ATP1A4: variants seen among roughly 807,000 people sequenced by gnomAD.
The protein encoded by ATP1A4 is sodium/potassium-transporting ATPase subunit alpha-4.
ATP1A4 carries 90 observed loss-of-function variants against 114.3 expected under a neutral mutation model. That is an observed-to-expected ratio of 0.79 (90% CI 0.66 to 0.94). The LOEUF (loss-of-function observed/expected upper bound fraction) is 0.94, where lower values mean the gene tolerates loss of function less well. ATP1A4 is among the 40% of genes least tolerant of loss of function. The probability of loss-of-function intolerance (pLI) is 0.00; values close to 1 mark genes in which losing one functional copy is unlikely to be tolerated. For missense variants in ATP1A4, 1,222 were observed against 1,313.6 expected (o/e 0.93, Z 1.08); for synonymous variants, 511 against 494.1 (o/e 1.03, Z -0.45).
chr1:160,178,181 C>A (rs1337845537), intron 18 of ATP1A4, among the ~76,000 whole-genome samples: 2 of 151,612 alleles, frequency 1.3e-5, no homozygotes, highest in Admixed American at 1.3e-4. Context: ...CATGGAGATA[C>A]CCCGTCTCTA....
intron 7 of ATP1A4, among the ~76,000 whole-genome samples, chr1:160,164,643 A>C (rs1652972292): frequency 6.6e-6 from 1 of 152,242 alleles, no homozygotes; most frequent in Non-Finnish European, 1.5e-5. Context: ...AGCAAGTTTC[A>C]ATGGAAAGTG....
intron 6 of ATP1A4, among the ~76,000 whole-genome samples, chr1:160,162,035 T>C (rs1305736943): frequency 6.6e-6 from 1 of 152,190 alleles, no homozygotes; most frequent in East Asian, 1.9e-4. Context: ...CCTAACCTTC[T>C]AGACTCTTAA....
chr1:160,155,390 G>A (rs1021962731), intron 3 of ATP1A4, 142 bp downstream of exon 3: 6 of 539,116 alleles, frequency 1.1e-5, no homozygotes, highest in Admixed American at 6.5e-5. Flanking sequence ...TGTAATAAAT[G>A]TACATTAATT....
At chr1:160,163,072 T>C (rs532852188) in intron 6 of ATP1A4, among the ~76,000 whole-genome samples, 4 of 152,310 alleles carry the variant, frequency 2.6e-5, no homozygotes, top group African/African-American at 7.2e-5. Context: ...TTTTTGACCA[T>C]TGACAGCTTG....
At chr1:160,171,024 G>A in intron 10 of ATP1A4, 2 of 422,614 alleles carry the variant, frequency 4.7e-6, no homozygotes, top group South Asian at 7.0e-5. Flanking sequence ...GCTTCAGGCT[G>A]AGAAGATAAT....
Position 160,167,094 on chromosome 1 carries a change from G to A in ATP1A4, c.1356+17G>A, listed in dbSNP as rs765767559. 3.7e-6 allele frequency: 6 copies of A among 1,611,570 alleles called. No homozygotes were observed. The highest frequency in any genetic ancestry group is 5.1e-6 in the Non-Finnish European group (6 of 1,177,872). On this transcript the variant is annotated intron_variant, in intron 9 of 21. Coordinates refer to ENST00000368081, the MANE Select transcript of ATP1A4 (RefSeq NM_144699.4). ...ATTGCTAAGGTGTCAGGCCCAAGGGGAAGAGGGTACCTCAGTGTCCAGGGT... is the reference window on the plus strand; with the variant it reads ...ATTGCTAAGGTGTCAGGCCCAAGGGAAAGAGGGTACCTCAGTGTCCAGGGT...
intron 10 of ATP1A4, chr1:160,169,726 CT>C: frequency 6.6e-6 from 1 of 152,258 alleles, no homozygotes; most frequent in Admixed American, 6.5e-5. Flanking sequence ...TGGAGAGCTC[CT>C]TTTCATACAT....
chr1:160,153,194 G>A lies in ATP1A4; in HGVS notation c.177G>A (p.Leu59=). ...ATCACAAATTAACCTTGGAAGAGCT[G>A]AGCACCAAGTACTCCGTGGACCTGA... ...MDDHKLTLEE[L]STKYSVDLTK... Residue 59 remains leucine, a synonymous_variant, in exon 2 of 22, where the codon CTG becomes CTA. Transcript: ENST00000368081. The A allele has an allele frequency of 1.2e-6, 2 of 1,613,912 alleles. No individual in the cohort carries two copies. Among genetic ancestry groups the A allele is most frequent in the South Asian group, 1.1e-5 (1 of 91,050 alleles).
At chr1:160,171,557 A>G (rs780706244) in intron 11 of ATP1A4, 28 bp from the exon 12 acceptor site, 7 of 1,609,120 alleles carry the variant, frequency 4.4e-6, no homozygotes, top group Admixed American at 3.3e-5. Flanking sequence ...CTGGATGACT[A>G]CTGGTCCCTC....
At chr1:160,184,615 G>A (rs777692146) in intron 20 of ATP1A4, among the ~76,000 whole-genome samples, 8 of 152,028 alleles carry the variant, frequency 5.3e-5, no homozygotes, top group Non-Finnish European at 1.0e-4. Context: ...CTGATATATT[G>A]ATATCAGTTT....
Position 160,186,283 on chromosome 1 carries a change from T to C in ATP1A4, c.2977T>C (p.Trp993Arg). Reference protein sequence around the residue: ...ALRMYPLKITWWLCAIPYSIL... With the variant: ...ALRMYPLKITRWLCAIPYSIL... ...GGCTCTTGCTCTCTACAGGATAACC[T>C]GGTGGCTCTGTGCCATTCCCTACAG... is the stretch of plus-strand genomic sequence containing the variant. The change falls in exon 21 of 22, where the codon TGG becomes CGG. Residue 993 changes from tryptophan (W) to arginine (R), a missense_variant. Coordinates refer to ENST00000368081, the MANE Select transcript of ATP1A4 (RefSeq NM_144699.4). The C allele has an allele frequency of 6.2e-7, 1 of 1,612,122 alleles. No individual in the cohort carries two copies. The highest frequency in any genetic ancestry group is 8.5e-7 in the Non-Finnish European group (1 of 1,178,846).
intron 17 of ATP1A4, among the ~76,000 whole-genome samples, chr1:160,176,886 A>C (rs1653484530): frequency 6.6e-6 from 1 of 152,232 alleles, no homozygotes; most frequent in African/African-American, 2.4e-5. Flanking sequence ...CATTATGAGG[A>C]TAGCCAGAGA....
At chr1:160,152,550 C>A (rs548846960) in intron 1 of ATP1A4, among the ~76,000 whole-genome samples, 3 of 152,218 alleles carry the variant, frequency 2.0e-5, no homozygotes, top group East Asian at 3.9e-4. Flanking sequence ...TGATTTTTGG[C>A]CCTTGTTTCC....
At chr1:160,158,555 AT>A (rs1652755135) in intron 4 of ATP1A4, among the ~76,000 whole-genome samples, 1 of 151,380 alleles carries the variant, frequency 6.6e-6, no homozygotes. Flanking sequence ...TTTTTTTTCA[AT>A]TTTTGTAGAG....
chr1:160,186,585 C>A, intron 21 of ATP1A4, 86 bp from the exon 22 acceptor site: 2 of 1,495,522 alleles, frequency 1.3e-6, no homozygotes, highest in Non-Finnish European at 9.2e-7. Flanking sequence ...CACCTCCAAC[C>A]TTGTCCCTGC....
intron 15 of ATP1A4, among the ~76,000 whole-genome samples, chr1:160,175,366 T>G (rs1264126867): frequency 6.6e-6 from 1 of 152,054 alleles, no homozygotes; most frequent in Non-Finnish European, 1.5e-5. Flanking sequence ...CATTGAAACC[T>G]TGTATAATCC....
Position 160,155,213 on chromosome 1 carries a change from C to A in ATP1A4, c.376C>A (p.Gln126Lys), listed in dbSNP as rs1380888286. The change falls in exon 3 of 22, where the codon CAG becomes AAG. Residue 126 changes from glutamine (Q) to lysine (K), a missense_variant. Physicochemically the swap from Gln to Lys is moderately conservative, Grantham distance 53. Transcript: ENST00000368081. The part of the protein sequence containing the change: ...AILCFVAYSI[Q>K]IYFNEEPTKD... ...TCTCTGCTTTGTGGCCTACAGCATC[C>A]AGATATATTTCAATGAGGAGCCTAC... is the stretch of plus-strand genomic sequence containing the variant. 2.5e-6 allele frequency: 4 copies of A among 1,613,640 alleles called. No individual in the cohort carries two copies. The Admixed American group carries it at 6.7e-5, about 27-fold the overall frequency.
In ATP1A4 at chr1:160,152,178, A is replaced by G. The variant is rs371620775; in HGVS notation, c.138A>G (p.Glu46=). The change falls in exon 1 of 22, where the codon GAA becomes GAG. Residue 46 remains glutamate (E), a synonymous_variant. Transcript: ENST00000368081. ...GCAATATGGAGGAACTGAAGAAGGA[A>G]GTGGTCATGGTGAGGCCACCCAAAG... ...QKRNMEELKK[E]VVMDDHKLTL... 1.2e-6 allele frequency: 2 copies of G among 1,613,552 alleles called. No homozygotes were observed. The highest frequency in any genetic ancestry group is 2.7e-5 in the African/African-American group (2 of 74,894).
intron 21 of ATP1A4, 138 bp downstream of exon 21, chr1:160,186,505 A>G (rs1452525784): frequency 9.5e-7 from 1 of 1,053,988 alleles, no homozygotes; most frequent in African/African-American, 1.6e-5. Context: ...CCTGGAGCCG[A>G]GACCTCTCTA....
Sources: allele counts gnomAD v4.1 joint callset (sites outside exome capture counted in the v4.1 genomes callset), GRCh38; gene constraint gnomAD v4.1.1; transcripts MANE v1.5; gene names NCBI Gene and HGNC (gene_info 2026-07-23, HGNC 2026-07-21).